The following RAD50 variants were observed in gnomAD, a reference collection of about 807,000 sequenced individuals.
RAD50 encodes RAD50 double strand break repair protein, also known as DNA repair protein RAD50.
RAD50 carries 132 observed loss-of-function variants against 168.8 expected under a neutral mutation model. The ratio of observed to expected loss-of-function variants is 0.78; its 90% confidence interval spans 0.68 to 0.90. RAD50 has a LOEUF of 0.90. Among genes scored for constraint, RAD50 ranks in the 40% least tolerant of loss-of-function variants. The pLI is 0.00. For missense variants in RAD50, 1,347 were observed against 1,534.4 expected (o/e 0.88, Z 2.04); for synonymous variants, 525 against 497.4 (o/e 1.06, Z -0.74).
intron 13 of RAD50, among the ~76,000 whole-genome samples, chr5:132,596,945 T>TA (rs1459987172): frequency 5.3e-5 from 8 of 152,182 alleles, no homozygotes; most frequent in Non-Finnish European, 1.2e-4. Context: ...GAGTATGACC[T>TA]ATGCTGCAGT....
Position 132,557,337 on chromosome 5 carries a change from G to A in RAD50, c.13G>A (p.Glu5Lys), listed in dbSNP as rs756334508. Residue 5 changes from glutamate (E) to lysine (K), a missense_variant, in exon 1 of 25, where the codon GAA becomes AAA. Transcript: ENST00000378823. MSRI[E>K]KMSILGVRSF... ...AACGTTTGCAAACATGTCCCGGATC[G>A]AAAAGATGAGCATTCTGGGCGTGCG... is the stretch of plus-strand genomic sequence containing the variant. 8.1e-6 allele frequency: 13 copies of A among 1,614,044 alleles called. No individual in the cohort carries two copies. Among genetic ancestry groups the A allele is most frequent in the African/African-American group, 2.7e-5 (2 of 74,940 alleles).
At chr5:132,561,382 G>A (rs941794996) in intron 2 of RAD50, among the ~76,000 whole-genome samples, 2 of 151,990 alleles carry the variant, frequency 1.3e-5, no homozygotes, top group Non-Finnish European at 2.9e-5. Flanking sequence ...TAGCAGAGAC[G>A]GGGTTTCATC....
intron 16 of RAD50, among the ~76,000 whole-genome samples, chr5:132,606,070 C>G (rs776057405): frequency 6.6e-6 from 1 of 152,008 alleles, no homozygotes; most frequent in Non-Finnish European, 1.5e-5. Context: ...ATTAAAAGAA[C>G]TAGAGAAACA....
At position 132,557,263 on chromosome 5, in the gene RAD50, T is replaced by G; in HGVS notation, c.-62T>G. The G allele has an allele frequency of 1.0e-5, 16 of 1,590,798 alleles. No individual in the cohort carries two copies. The highest frequency in any genetic ancestry group is 1.4e-5 in the Non-Finnish European group (16 of 1,158,802). The stretch of plus-strand genomic sequence containing the variant: ...TCTCACGTCCCGTGCACGCCTTGCT[T>G]CGGCCTCAGTTAAGCCTTTGTGGGC... On this transcript the variant is annotated 5_prime_UTR_variant, in exon 1 of 25. Transcript: ENST00000378823.
At chr5:132,611,975 T>C (rs1312911716) in intron 19 of RAD50, among the ~76,000 whole-genome samples, 1 of 152,230 alleles carries the variant, frequency 6.6e-6, no homozygotes, top group Non-Finnish European at 1.5e-5. Context: ...GGTTCTTAGC[T>C]AGGGGCACCT....
intron 2 of RAD50, among the ~76,000 whole-genome samples, chr5:132,566,693 T>C (rs538579851): frequency 6.6e-6 from 1 of 152,360 alleles, no homozygotes; most frequent in South Asian, 2.1e-4. Flanking sequence ...TTCCCCTGGT[T>C]CAAACCATTT....
chr5:132,566,620 A>G (rs1335519078), intron 2 of RAD50, among the ~76,000 whole-genome samples: 1 of 152,144 alleles, frequency 6.6e-6, no homozygotes, highest in African/African-American at 2.4e-5. Flanking sequence ...GTCTTGTCTC[A>G]GTTCACTCTG....
At chr5:132,595,118 TG>T (rs1750767537) in intron 12 of RAD50, 74 bp downstream of exon 12, 1 of 1,481,910 alleles carries the variant, frequency 6.7e-7, no homozygotes, top group Non-Finnish European at 9.3e-7. Context: ...CTGTTAAGGA[TG>T]GGGAATTTAA....
chr5:132,595,822 A>T lies in RAD50; in HGVS notation c.2207+12A>T. 1.3e-6 allele frequency: 2 copies of T among 1,571,936 alleles called. No homozygotes were observed. Among genetic ancestry groups the T allele is most frequent in the Non-Finnish European group, 1.7e-6 (2 of 1,148,724 alleles). ...CTTGTGCCCATGAGGTAAGAATGGGATTTACCTTCACTGTACATGTAGCAG... is the reference window on the plus strand; with the variant it reads ...CTTGTGCCCATGAGGTAAGAATGGGTTTTACCTTCACTGTACATGTAGCAG... On this transcript the variant is annotated intron_variant, in intron 13 of 24. Transcript: ENST00000378823.
intron 3 of RAD50, 73 bp downstream of exon 3, chr5:132,576,001 C>T (rs943294160): frequency 3.5e-6 from 5 of 1,409,988 alleles, no homozygotes; most frequent in Non-Finnish European, 4.8e-6. Flanking sequence ...TGGTTGTTTT[C>T]TACTATAAGT....
At chr5:132,627,501 T>C (rs746630810) in intron 21 of RAD50, among the ~76,000 whole-genome samples, 36 of 152,226 alleles carry the variant, frequency 2.4e-4, no homozygotes, top group Non-Finnish European at 4.3e-4. Flanking sequence ...ACCTGATTGA[T>C]GAGAAGGGAG....
chr5:132,620,151 T>C (rs903121530), intron 21 of RAD50, among the ~76,000 whole-genome samples: 5 of 152,076 alleles, frequency 3.3e-5, no homozygotes, highest in Non-Finnish European at 4.4e-5. Flanking sequence ...GTGATCCACC[T>C]GTATTGGCCT....
intron 21 of RAD50, among the ~76,000 whole-genome samples, chr5:132,619,783 C>CCTCTCTCTCTCTCTCTCTCTCTCT (rs550575815): frequency 8.0e-6 from 1 of 125,738 alleles, no homozygotes. Context: ...CTTCCCTACT[C>CCTCTCTCTCTCTCTCTCTCTCTCT]CTCTCTCTCT....
chr5:132,584,118 TC>T (rs1340748612), intron 5 of RAD50, among the ~76,000 whole-genome samples: 1 of 152,170 alleles, frequency 6.6e-6, no homozygotes, highest in Non-Finnish European at 1.5e-5. Context: ...TAGTTTACAG[TC>T]CCTCCAACAG....
intron 13 of RAD50, among the ~76,000 whole-genome samples, chr5:132,602,526 T>A (rs2149846599): frequency 6.6e-6 from 1 of 152,330 alleles, no homozygotes; most frequent in African/African-American, 2.4e-5. Context: ...AGCATTTCAC[T>A]TAGTGGCTGG....
At chr5:132,599,750 G>A (rs1750854336) in intron 13 of RAD50, among the ~76,000 whole-genome samples, 1 of 151,436 alleles carries the variant, frequency 6.6e-6, no homozygotes, top group African/African-American at 2.4e-5. Context: ...TTTTAAATAT[G>A]GGAAAGCAAT....
intron 2 of RAD50, among the ~76,000 whole-genome samples, chr5:132,568,912 C>T (rs1234312857): frequency 2.0e-5 from 3 of 152,202 alleles, no homozygotes; most frequent in Non-Finnish European, 4.4e-5. Flanking sequence ...CTAGGTCCCC[C>T]TTTACAGACC....
At position 132,596,539 on chromosome 5, in the gene RAD50, C is replaced by T. The variant is rs570983957; in HGVS notation, c.2207+729C>T. Reference sequence around the variant, plus strand: ...AAAAGAATGAATCATAGATGATTTTCGGTTGTTTATATTTTCCATCACTTA... The same window carrying T: ...AAAAGAATGAATCATAGATGATTTTTGGTTGTTTATATTTTCCATCACTTA... On this transcript the variant is annotated intron_variant, in intron 13 of 24. Coordinates refer to ENST00000378823, the MANE Select transcript of RAD50 (RefSeq NM_005732.4). 5.3e-5 allele frequency among the ~76,000 whole-genome samples: 8 copies of T among 152,288 alleles called. No homozygotes were observed. In the East Asian group the frequency reaches 1.3e-3, roughly 26 times the overall value.
intron 21 of RAD50, among the ~76,000 whole-genome samples, chr5:132,624,011 G>A (rs747718627): frequency 6.6e-6 from 1 of 152,240 alleles, no homozygotes; most frequent in African/African-American, 2.4e-5. Flanking sequence ...AATATTGGGA[G>A]TGAGCCAATT....
Sources: gnomAD v4.1 joint callset for allele counts (sites outside exome capture counted in the v4.1 genomes callset) on GRCh38, gnomAD v4.1.1 for gene constraint, MANE v1.5 for transcripts, NCBI Gene and HGNC (gene_info 2026-07-23, HGNC 2026-07-21) for gene names.